The following NEDD4L variants were observed in gnomAD, a reference collection of about 807,000 sequenced individuals.
NEDD4L encodes the protein E3 ubiquitin-protein ligase NEDD4-like.
In NEDD4L, 54 loss-of-function variants were observed where a neutral mutation model predicts 148.9. The ratio of observed to expected loss-of-function variants is 0.36; its 90% CI spans 0.29 to 0.45. NEDD4L has a LOEUF of 0.45. Ranked by LOEUF, NEDD4L falls within the 20% of genes least tolerant of loss-of-function variation. The pLI is 1.00. For synonymous variants in NEDD4L, 433 were observed against 440.7 expected (o/e 0.98, Z 0.22); for missense variants, 856 against 1,233.8 (o/e 0.69, Z 4.59).
At chr18:58,333,976 C>G (rs2041380158) in intron 12 of NEDD4L, 84 bp downstream of exon 12, 2 of 845,646 alleles carry the variant, frequency 2.4e-6, no homozygotes, top group South Asian at 4.2e-5. Context: ...AAGAGTTTTT[C>G]CTGTGTAAAT....
At chr18:58,315,365 T>G (rs1278848955) in intron 5 of NEDD4L, among the ~76,000 whole-genome samples, 1 of 151,988 alleles carries the variant, frequency 6.6e-6, no homozygotes, top group Non-Finnish European at 1.5e-5. Flanking sequence ...TCGGGAGAGA[T>G]ACGTGCAGTA....
intron 1 of NEDD4L, among the ~76,000 whole-genome samples, chr18:58,085,976 T>C (rs898607932): frequency 6.6e-6 from 1 of 152,264 alleles, no homozygotes; most frequent in African/African-American, 2.4e-5. Flanking sequence ...GGATTCCTAC[T>C]AATTATTATT....
rs2050592401 is a variant in NEDD4L at position 58,397,840 on chromosome 18, C to T, written c.*1571C>T. 1 of 152,524 alleles carries T rather than the reference C, an allele frequency of 6.6e-6. No homozygotes were observed. The highest frequency in any genetic ancestry group is 1.5e-5 in the Non-Finnish European group (1 of 68,026). 9.4% of individuals were successfully genotyped at this position (152,524 alleles called of 1,614,324 possible). ...CTTTTTAACCTGTGTTGTCCTAGAC[C>T]CTGTCGGGGCAGTCAGGGGACACTA... is the stretch of plus-strand genomic sequence containing the variant. On this transcript the variant is annotated 3_prime_UTR_variant, in exon 31 of 31. Transcript: ENST00000400345.
intron 1 of NEDD4L, among the ~76,000 whole-genome samples, chr18:58,131,036 G>T (rs2145962083): frequency 7.3e-6 from 1 of 136,980 alleles, no homozygotes; most frequent in East Asian, 2.3e-4. Context: ...GTTGGGCTCT[G>T]TTGGGGTTTG....
intron 1 of NEDD4L, among the ~76,000 whole-genome samples, chr18:58,066,644 A>G (rs1421132855): frequency 6.6e-6 from 1 of 152,040 alleles, no homozygotes; most frequent in Middle Eastern, 3.2e-3. Flanking sequence ...TCCTATAACG[A>G]CATACATGAG....
At chr18:58,244,057 G>A (rs1008166815) in intron 2 of NEDD4L, among the ~76,000 whole-genome samples, 2 of 152,020 alleles carry the variant, frequency 1.3e-5, no homozygotes, top group African/African-American at 4.8e-5. Flanking sequence ...ATACTTCCTT[G>A]TGAAAGGATT....
intron 1 of NEDD4L, among the ~76,000 whole-genome samples, chr18:58,121,300 G>A (rs981149295): frequency 6.6e-6 from 1 of 152,080 alleles, no homozygotes; most frequent in East Asian, 1.9e-4. Context: ...TTGGGGGCCC[G>A]GTTTTCCTCA....
At chr18:58,204,503 G>C (rs562435087) in intron 2 of NEDD4L, among the ~76,000 whole-genome samples, 2 of 152,298 alleles carry the variant, frequency 1.3e-5, no homozygotes, top group South Asian at 2.1e-4. Flanking sequence ...AAGTAAGTCC[G>C]TTGACTTCAA....
intron 1 of NEDD4L, chr18:58,045,252 C>G (rs1009114284): frequency 2.5e-6 from 1 of 397,460 alleles, no homozygotes; most frequent in Non-Finnish European, 4.4e-6. Flanking sequence ...TGTGTCCCTC[C>G]CCTCGTTTTG....
At position 58,196,710 on chromosome 18, in the gene NEDD4L, CTTTT is replaced by C. The variant is rs544883000; in HGVS notation, c.122+30873_122+30876del. ...CTCTACTTTTCTGTTCTCTCTCTCT[CTTTT>C]TTTTTTTTTTTTTTTTTTTTTTTAA... On this transcript the variant is annotated intron_variant, in intron 2 of 30. Transcript: ENST00000400345. 1.6e-3 allele frequency among the ~76,000 whole-genome samples: 178 copies of C among 114,434 alleles called. 2 individuals carry two copies. The highest frequency in any genetic ancestry group is 4.5e-3 in the South Asian group (16 of 3,578). The allele number at this position is 114,434 out of a possible 152,430, so 75.1% of individuals were successfully genotyped here. A position where few individuals can be genotyped will look rare whatever the true frequency, so the allele number is the denominator to read the frequency against.
chr18:58,169,617 T>C (rs1378771697), intron 2 of NEDD4L, among the ~76,000 whole-genome samples: 1 of 152,082 alleles, frequency 6.6e-6, no homozygotes, highest in African/African-American at 2.4e-5. Flanking sequence ...TCACATAAAA[T>C]GCCACTAAGA....
intron 1 of NEDD4L, among the ~76,000 whole-genome samples, chr18:58,083,768 T>C (rs1035816815): frequency 2.0e-5 from 3 of 152,198 alleles, no homozygotes; most frequent in Non-Finnish European, 4.4e-5. Flanking sequence ...CAAAATGTGG[T>C]ATATCCATAC....
chr18:58,256,300 A>C lies in NEDD4L; in HGVS notation c.297+4246A>C, dbSNP rs1286059581. The C allele has an allele frequency of 8.1e-7, 1 of 1,231,644 alleles. No homozygotes were observed. Among genetic ancestry groups the C allele is most frequent in the African/African-American group, 1.6e-5 (1 of 64,408 alleles). 76.3% of individuals were successfully genotyped at this position (1,231,644 alleles called of 1,614,324 possible). A position where few individuals can be genotyped will look rare whatever the true frequency, so the allele number is the denominator to read the frequency against. On this transcript the variant is annotated intron_variant, in intron 5 of 30. Coordinates refer to ENST00000400345, the MANE Select transcript of NEDD4L (RefSeq NM_001144967.3). This position sits in a 1 kb window ranked among gnomAD's most constrained non-coding sequence, Gnocchi z 5.2. ...ATGGCCAGGGCGGCCCGGCCGCGGC[A>C]GAGCCCAGGCGCTGGTCCCTGCAGC...
chr18:58,149,396 C>T (rs1276386600), intron 1 of NEDD4L: 1 of 1,485,998 alleles, frequency 6.7e-7, no homozygotes, highest in Non-Finnish European at 9.0e-7. Flanking sequence ...AAACTTCTCT[C>T]CTGTGACCTT....
In NEDD4L at chr18:58,242,034, T is replaced by C. The variant is rs541322968; in HGVS notation, c.123-3393T>C. Among the ~76,000 whole-genome samples, 12 of 150,436 alleles carry C rather than the reference T, an allele frequency of 8.0e-5. 1 individual carries two copies. In the South Asian group the frequency reaches 1.9e-3, roughly 23 times the overall value. ...CAAGAGTGAATTCTGATGAGCTTCATTGTGAGTAAGAGTCCCAGTTTGATC... is the reference window on the plus strand; with the variant it reads ...CAAGAGTGAATTCTGATGAGCTTCACTGTGAGTAAGAGTCCCAGTTTGATC... On this transcript the variant is annotated intron_variant, in intron 2 of 30. Coordinates refer to ENST00000400345, the MANE Select transcript of NEDD4L (RefSeq NM_001144967.3).
intron 2 of NEDD4L, among the ~76,000 whole-genome samples, chr18:58,237,363 C>G (rs764438928): frequency 3.9e-5 from 6 of 152,170 alleles, no homozygotes; most frequent in Non-Finnish European, 5.9e-5. Flanking sequence ...TTGTGAGTTG[C>G]TATCTCTCTT....
chr18:58,348,317 CTTTTTTTTCTTTTTTTTTTT>C (rs1325206621), intron 16 of NEDD4L, among the ~76,000 whole-genome samples: 1 of 115,884 alleles, frequency 8.6e-6, no homozygotes, highest in Non-Finnish European at 1.7e-5. Context: ...ATTTCTTTTT[CTTTTTTTTCTTTTTTTTTTT>C]TTTTTTTTTT....
chr18:58,272,916 G>T (rs548082807), intron 5 of NEDD4L, among the ~76,000 whole-genome samples: 5 of 152,164 alleles, frequency 3.3e-5, no homozygotes, highest in Non-Finnish European at 5.9e-5. Context: ...ATATTTTCAT[G>T]AATGTGCCAA....
rs141120294 is a variant in NEDD4L, at chr18:58,068,235, T to C, written c.48+23527T>C. Among the ~76,000 whole-genome samples the C allele has an allele frequency of 1.4e-3, 216 of 150,978 alleles. 2 individuals are homozygous for C. The East Asian group carries it at 0.022, about 16-fold the overall frequency. ...TTTGTTTTGAGACGGAGTCTCGCTC[T>C]GTTGCCCAGGCTGGAGTGCAGTGGC... On this transcript the variant is annotated intron_variant, in intron 1 of 30. Transcript: ENST00000400345.
Sources: allele counts gnomAD v4.1 joint callset (sites outside exome capture counted in the v4.1 genomes callset), GRCh38; gene constraint gnomAD v4.1.1; non-coding constraint Gnocchi (gnomAD v3.1); transcripts MANE v1.5; gene names NCBI Gene and HGNC (gene_info 2026-07-23, HGNC 2026-07-21).